The following TRPM3 variants were observed in gnomAD, a reference collection of about 807,000 sequenced individuals.
TRPM3 encodes the protein long transient receptor potential channel 3.
Under a neutral mutation model 181.2 loss-of-function variants are expected in TRPM3, and 77 were observed. The ratio of observed to expected loss-of-function variants is 0.42; its 90% CI spans 0.35 to 0.51. The LOEUF (loss-of-function observed/expected upper bound fraction) is 0.51. TRPM3 is among the 20% of genes least tolerant of loss of function. The pLI is 0.01. For synonymous variants in TRPM3, 745 were observed against 796.4 expected (o/e 0.94, Z 1.09); for missense variants, 1,759 against 2,196.7 (o/e 0.80, Z 3.98).
chr9:71,209,889 A>T (rs1303569842), intron 1 of TRPM3, among the ~76,000 whole-genome samples: 1 of 152,192 alleles, frequency 6.6e-6, no homozygotes, highest in Non-Finnish European at 1.5e-5. Context: ...CAGAATTGAG[A>T]CCTTGTAGCA....
chr9:70,640,421 A>C (rs1538670), intron 10 of TRPM3, 139 bp downstream of exon 10: 307,676 of 597,784 alleles, frequency 0.51, 83,030 homozygotes, highest in Non-Finnish European at 0.57. Flanking sequence ...GGAGCTCAGG[A>C]TACAGACTTT....
At chr9:71,173,601 G>A (rs1005588257) in intron 1 of TRPM3, among the ~76,000 whole-genome samples, 7 of 152,198 alleles carry the variant, frequency 4.6e-5, no homozygotes, top group African/African-American at 1.7e-4. Context: ...TGTGTATTGA[G>A]GGAGGTGCAT....
intron 1 of TRPM3, among the ~76,000 whole-genome samples, chr9:71,342,761 A>T (rs1231069215): frequency 6.6e-6 from 1 of 152,148 alleles, no homozygotes; most frequent in Non-Finnish European, 1.5e-5. Flanking sequence ...CCTGCACAAC[A>T]TATTTGTAGC....
intron 12 of TRPM3, among the ~76,000 whole-genome samples, chr9:70,629,588 C>T (rs1589530458): frequency 6.6e-6 from 1 of 152,162 alleles, no homozygotes; most frequent in Admixed American, 6.5e-5. Context: ...CCACTCATCT[C>T]GGCCTCCCAA....
chr9:70,553,369 T>C, intron 22 of TRPM3, 59 bp from the exon 23 acceptor site: 1 of 1,582,336 alleles, frequency 6.3e-7, no homozygotes, highest in Non-Finnish European at 8.6e-7. Context: ...AGAAAAAAAA[T>C]AAAAAGATGG....
rs149523139 is a variant in TRPM3 at position 70,953,134 on chromosome 9, CA to C, written c.178-88624del. 9.3e-3 allele frequency among the ~76,000 whole-genome samples: 1,423 copies of C among 152,292 alleles called. 11 individuals are homozygous for C. The highest frequency in any genetic ancestry group is 0.015 in the Non-Finnish European group (1,054 of 68,012). ...GAACTTCTATGGCACAAGGGAAAGA[CA>C]AAGTCTGTGACATATCTCAAATCTT... On this transcript the variant is annotated intron_variant, in intron 1 of 25. Coordinates refer to ENST00000677713, the MANE Select transcript of TRPM3 (RefSeq NM_001366145.2).
At chr9:70,663,255 G>A (rs1484328292) in intron 9 of TRPM3, among the ~76,000 whole-genome samples, 1 of 152,084 alleles carries the variant, frequency 6.6e-6, no homozygotes, top group Admixed American at 6.5e-5. Flanking sequence ...TTGGGAGTGG[G>A]GTGAGGGATA....
chr9:70,787,763 C>CTTTTTTTTTTTTTTTTTTTTTCT (rs2084071076), intron 6 of TRPM3, among the ~76,000 whole-genome samples: 4 of 68,558 alleles, frequency 5.8e-5, no homozygotes, highest in African/African-American at 5.8e-5. Flanking sequence ...TTTTTGGATT[C>CTTTTTTTTTTTTTTTTTTTTTCT]TTTTTTTTTT....
intron 7 of TRPM3, among the ~76,000 whole-genome samples, chr9:70,779,885 GA>G (rs979870411): frequency 4.0e-5 from 6 of 151,896 alleles, no homozygotes; most frequent in Admixed American, 1.3e-4. Flanking sequence ...ATGCCAATGA[GA>G]AAAAAAATGG....
intron 8 of TRPM3, among the ~76,000 whole-genome samples, chr9:70,740,150 A>C (rs1393326950): frequency 1.3e-5 from 2 of 152,204 alleles, no homozygotes; most frequent in African/African-American, 4.8e-5. Context: ...AATGTACACA[A>C]ATCAGTAGCT....
intron 1 of TRPM3, among the ~76,000 whole-genome samples, chr9:71,100,530 AC>A (rs1953786545): frequency 6.6e-6 from 1 of 152,020 alleles, no homozygotes; most frequent in African/African-American, 2.4e-5. Context: ...ACTAACCCAC[AC>A]TCACCTGGGA....
chr9:70,692,803 GC>G (rs1338792367), intron 8 of TRPM3, among the ~76,000 whole-genome samples: 2 of 152,204 alleles, frequency 1.3e-5, no homozygotes, highest in Non-Finnish European at 2.9e-5. Flanking sequence ...TATGGCTTAT[GC>G]AGTGCAGTGC....
intron 5 of TRPM3, among the ~76,000 whole-genome samples, chr9:70,833,074 T>C (rs1231328914): frequency 6.6e-6 from 1 of 152,228 alleles, no homozygotes; most frequent in African/African-American, 2.4e-5. Flanking sequence ...AATTTCTGTT[T>C]CCTGCCTCTA....
At chr9:71,031,291 G>A (rs2057268541) in intron 1 of TRPM3, among the ~76,000 whole-genome samples, 1 of 152,172 alleles carries the variant, frequency 6.6e-6, no homozygotes, top group Admixed American at 6.5e-5. Flanking sequence ...CTCTGCCCTT[G>A]CAGTGCTTAA....
At chr9:70,986,960 T>C (rs1304968197) in intron 1 of TRPM3, among the ~76,000 whole-genome samples, 4 of 151,814 alleles carry the variant, frequency 2.6e-5, no homozygotes, top group Non-Finnish European at 5.9e-5. Flanking sequence ...ATGGTAGCTT[T>C]CAGTCATGGG....
intron 1 of TRPM3, among the ~76,000 whole-genome samples, chr9:70,875,747 G>A (rs1042893780): frequency 6.6e-6 from 1 of 151,780 alleles, no homozygotes; most frequent in Non-Finnish European, 1.5e-5. Flanking sequence ...AATATTTTTT[G>A]ACCTAACAAA....
chr9:70,556,353 C>T (rs1266928832), intron 22 of TRPM3, among the ~76,000 whole-genome samples: 1 of 151,812 alleles, frequency 6.6e-6, no homozygotes, highest in Non-Finnish European at 1.5e-5. Flanking sequence ...TTATTCCAGC[C>T]TCCCCCACCT....
chr9:70,907,631 C>T (rs1340330314), intron 1 of TRPM3, among the ~76,000 whole-genome samples: 1 of 152,132 alleles, frequency 6.6e-6, no homozygotes, highest in Non-Finnish European at 1.5e-5. Context: ...GAGGTTTGAG[C>T]TTCTACTGAT....
At chr9:70,583,412 C>T (rs1043899829) in intron 22 of TRPM3, among the ~76,000 whole-genome samples, 3 of 152,160 alleles carry the variant, frequency 2.0e-5, no homozygotes, top group Non-Finnish European at 2.9e-5. Context: ...GTAGAAAAAG[C>T]ATGGTCTTTG....
Sources: gnomAD v4.1 joint callset for allele counts (sites outside exome capture counted in the v4.1 genomes callset) on GRCh38, gnomAD v4.1.1 for gene constraint, MANE v1.5 for transcripts, NCBI Gene and HGNC (gene_info 2026-07-23, HGNC 2026-07-21) for gene names.